Variants in LGI1 observed in about 807,000 individuals in gnomAD.
LGI1 encodes the protein leucine rich glioma inactivated 1.
LGI1 carries 11 observed loss-of-function variants against 57.7 expected under a neutral mutation model. The ratio of observed to expected loss-of-function variants is 0.19; its 90% CI spans 0.12 to 0.32. The LOEUF is 0.32. Among genes scored for constraint, LGI1 ranks in the 10% least tolerant of loss-of-function variants. LGI1 has a pLI of 1.00. For missense variants in LGI1, 422 were observed against 661.9 expected, an observed-to-expected ratio of 0.64 and a Z score of 3.98; for synonymous variants, 222 against 241.9, an observed-to-expected ratio of 0.92 and a Z score of 0.76.
rs2059953282 is a variant in LGI1 at position 93,793,477 on chromosome 10, A to G, written c.838+127A>G. The stretch of plus-strand genomic sequence containing the variant: ...TTCCAACTCTACCATTTGTTAAGTG[A>G]CCTGGGATTGTTCTCTAAGCCATAA... On this transcript the variant is annotated intron_variant, in intron 7 of 7. Transcript: ENST00000371418. 8.4e-6 allele frequency: 7 copies of G among 832,914 alleles called. No individual in the cohort carries two copies. The Admixed American group carries it at 1.4e-4, about 17-fold the overall frequency. 51.6% of individuals were successfully genotyped at this position (832,914 alleles called of 1,614,324 possible).
rs111642020 is a variant in LGI1 at position 93,793,053 on chromosome 10, T to C, written c.674-133T>C. On this transcript the variant is annotated intron_variant, in intron 6 of 7. Transcript: ENST00000371418. ...TAAAAAAATTATGAACCATTGACAA[T>C]GCTTCATGTGTTTAAAAGTAAAATG... The C allele has an allele frequency of 1.5e-5, 17 of 1,136,964 alleles. No individual in the cohort carries two copies. In the African/African-American group the frequency reaches 1.9e-4, roughly 13 times the overall value. 70.4% of individuals were successfully genotyped at this position (1,136,964 alleles called of 1,614,324 possible).
At position 93,797,205 on chromosome 10, in the gene LGI1, T is replaced by C. The variant is rs774675793; in HGVS notation, c.1076T>C (p.Ile359Thr). The change falls in exon 8 of 8, where the codon ATT (isoleucine) becomes ACT (threonine). Residue 359 changes from isoleucine (I) to threonine (T), a missense_variant. By Grantham distance (89) the Ile-to-Thr change is moderately conservative. Transcript: ENST00000371418. The surrounding 1 kb of genome is among the most constrained non-coding windows in gnomAD (Gnocchi z 6.5). ...ADSSKAGFTT[I>T]YKWNGNGFYS... ...AGTTCAAAAGCTGGTTTTACTACCA[T>C]TTACAAATGGAACGGAAACGGATTC... The C allele has an allele frequency of 1.2e-6, 2 of 1,614,188 alleles. No individual in the cohort carries two copies. Among genetic ancestry groups the C allele is most frequent in the Admixed American group, 1.7e-5 (1 of 60,026 alleles).
chr10:93,792,941 A>G, intron 6 of LGI1, 29 bp downstream of exon 6: 3 of 1,606,122 alleles, frequency 1.9e-6, no homozygotes, highest in Non-Finnish European at 2.6e-6. Flanking sequence ...TTCCACCTCA[A>G]AAAATTAAAA....
At chr10:93,795,954 G>A (rs1012316484) in intron 7 of LGI1, among the ~76,000 whole-genome samples, 3 of 152,336 alleles carry the variant, frequency 2.0e-5, no homozygotes, top group Non-Finnish European at 2.9e-5. Context: ...TTTCTGCCCC[G>A]CACTAGCGCT....
chr10:93,765,969 C>CAAAA (rs35644716), intron 2 of LGI1, among the ~76,000 whole-genome samples: 10 of 95,014 alleles, frequency 1.1e-4, no homozygotes, highest in Non-Finnish European at 1.3e-4. Flanking sequence ...GCCTCCGTCT[C>CAAAA]AAAAAAAAAA....
At chr10:93,763,773 C>T (rs2059647068) in intron 2 of LGI1, 1 of 152,080 alleles carries the variant, frequency 6.6e-6, no homozygotes, top group Non-Finnish European at 1.5e-5. Flanking sequence ...TAAGCCTTTC[C>T]TTAGACCCAC....
At chr10:93,779,710 G>A (rs533664058) in intron 4 of LGI1, among the ~76,000 whole-genome samples, 83 of 152,172 alleles carry the variant, frequency 5.5e-4, no homozygotes, top group Non-Finnish European at 1.1e-3. Context: ...CTGTAAGAGA[G>A]AGAGACTGAT....
chr10:93,776,072 G>A (rs1203848710), intron 2 of LGI1: 6 of 152,112 alleles, frequency 3.9e-5, no homozygotes, highest in South Asian at 2.1e-4. Flanking sequence ...TAGTAACATG[G>A]AATTCTAACA....
chr10:93,785,643 G>A (rs2059889491), intron 4 of LGI1, among the ~76,000 whole-genome samples: 1 of 152,194 alleles, frequency 6.6e-6, no homozygotes, highest in African/African-American at 2.4e-5. Context: ...TTGAGGAAAA[G>A]TTAATAATAA....
chr10:93,787,421 A>C (rs1193070276), intron 4 of LGI1, among the ~76,000 whole-genome samples: 1 of 151,878 alleles, frequency 6.6e-6, no homozygotes, highest in Admixed American at 6.6e-5. Flanking sequence ...GCCCCATCTC[A>C]CAATTCTGGT....
intron 5 of LGI1, chr10:93,790,379 G>A: frequency 3.6e-6 from 2 of 560,404 alleles, no homozygotes; most frequent in East Asian, 3.0e-5. Flanking sequence ...TGAATACATG[G>A]CACCCAGGCA....
At chr10:93,765,861 T>C (rs888280915) in intron 2 of LGI1, among the ~76,000 whole-genome samples, 1 of 151,152 alleles carries the variant, frequency 6.6e-6, no homozygotes, top group Non-Finnish European at 1.5e-5. Flanking sequence ...TCCCAGCTAC[T>C]CGGGAGGCTG....
chr10:93,777,769 C>A, intron 4 of LGI1, 152 bp downstream of exon 4: 1 of 665,224 alleles, frequency 1.5e-6, no homozygotes. Flanking sequence ...CTTTCCCTGT[C>A]ATCTGTCAGA....
At position 93,783,200 on chromosome 10, in the gene LGI1, C is replaced by T. The variant is rs112950046; in HGVS notation, c.431+5583C>T. Among the ~76,000 whole-genome samples the T allele has an allele frequency of 3.4e-3, 517 of 152,066 alleles. 1 individual carries two copies. The highest frequency in any genetic ancestry group is 0.012 in the African/African-American group (497 of 41,496). Reference sequence around the variant, plus strand: ...GACCATCCTGGCTAACACGGTGAAACCCCATCTCTACTAAAAATACAAAAA... The same window carrying T: ...GACCATCCTGGCTAACACGGTGAAATCCCATCTCTACTAAAAATACAAAAA... On this transcript the variant is annotated intron_variant, in intron 4 of 7. Transcript: ENST00000371418.
At chr10:93,759,912 C>G (rs1408977217) in intron 2 of LGI1, among the ~76,000 whole-genome samples, 3 of 152,198 alleles carry the variant, frequency 2.0e-5, no homozygotes, top group Non-Finnish European at 4.4e-5. Flanking sequence ...GTATATCTCA[C>G]TAAGCCTCAG....
intron 4 of LGI1, chr10:93,782,911 CCA>C (rs1436099222): frequency 6.6e-6 from 1 of 152,152 alleles, no homozygotes; most frequent in African/African-American, 2.4e-5. Flanking sequence ...CCAGTGGGTT[CCA>C]CAGTCACAAT....
At chr10:93,792,679 T>C in intron 5 of LGI1, 64 bp from the exon 6 acceptor site, 1 of 1,516,236 alleles carries the variant, frequency 6.6e-7, no homozygotes. Flanking sequence ...ATTGTTGATG[T>C]AGAACTCTTT....
intron 2 of LGI1, among the ~76,000 whole-genome samples, chr10:93,760,014 A>G (rs1464131202): frequency 1.3e-5 from 2 of 152,234 alleles, no homozygotes; most frequent in Non-Finnish European, 2.9e-5. Flanking sequence ...ATGCTTACAC[A>G]TTTATAAATG....
At chr10:93,778,178 A>G (rs56154309) in intron 4 of LGI1, among the ~76,000 whole-genome samples, 5,216 of 152,276 alleles carry the variant, frequency 0.034, 316 homozygotes, top group African/African-American at 0.12. Flanking sequence ...TGTAAATGGC[A>G]TCTAGTGGGT....
Sources: gnomAD v4.1 joint callset for allele counts (sites outside exome capture counted in the v4.1 genomes callset) on GRCh38, gnomAD v4.1.1 for gene constraint, Gnocchi (gnomAD v3.1) non-coding constraint, MANE v1.5 for transcripts, NCBI Gene and HGNC (gene_info 2026-07-23, HGNC 2026-07-21) for gene names.